The following PLCXD3 variants were observed in gnomAD, a reference collection of about 807,000 sequenced individuals.
PLCXD3 encodes the protein PI-PLC X domain-containing protein 3.
A neutral mutation model predicts 25.5 loss-of-function variants in PLCXD3; 19 were observed. That is an observed-to-expected ratio of 0.75 (90% CI 0.52 to 1.09). The LOEUF (loss-of-function observed/expected upper bound fraction) is 1.09. PLCXD3 is among the 50% of genes least tolerant of loss of function. PLCXD3 has a pLI of 0.00. For synonymous variants in PLCXD3, 174 were observed against 137.6 expected (o/e 1.26, Z -1.85); for missense variants, 411 against 388.1 (o/e 1.06, Z -0.50).
Position 41,312,586 on chromosome 5 carries a change from TCTTCCTTCCTTCCTTCCTCC to T in PLCXD3, c.*1011_*1030del, listed in dbSNP as rs1271477221. Reference sequence around the variant, plus strand: ...CCCTCTCTTCCTCCCTCCCTCCCTCTCTTCCTTCCTTCCTTCCTCCCTTCCTTCCTTCCTCCCGTCCTTCC... The same window carrying T: ...CCCTCTCTTCCTCCCTCCCTCCCTCTCTTCCTTCCTTCCTCCCGTCCTTCC... On this transcript the variant is annotated 3_prime_UTR_variant, in exon 3 of 3. Coordinates refer to ENST00000377801, the MANE Select transcript of PLCXD3 (RefSeq NM_001005473.3). 9.7e-4 allele frequency: 126 copies of T among 130,020 alleles called. No individual in the cohort carries two copies. The highest frequency in any genetic ancestry group is 1.8e-3 in the Non-Finnish European group (114 of 61,932). The allele number at this position is 130,020 out of a possible 1,614,324, so 8.1% of individuals were successfully genotyped here.
intron 1 of PLCXD3, among the ~76,000 whole-genome samples, chr5:41,418,515 G>GAC (rs61327827): frequency 4.9e-4 from 1 of 2,038 alleles, no homozygotes; most frequent in Non-Finnish European, 2.7e-3. Flanking sequence ...AAAAACACAT[G>GAC]TCATATTAAT....
At chr5:41,424,566 A>C (rs750044089) in intron 1 of PLCXD3, among the ~76,000 whole-genome samples, 5 of 152,036 alleles carry the variant, frequency 3.3e-5, no homozygotes, top group African/African-American at 4.8e-5. Context: ...TGTGAATTTC[A>C]CTCTAAGAAC....
At chr5:41,443,610 G>C (rs1272011834) in intron 1 of PLCXD3, among the ~76,000 whole-genome samples, 11 of 152,228 alleles carry the variant, frequency 7.2e-5, no homozygotes, top group African/African-American at 2.4e-4. Context: ...AGGAGAGACA[G>C]AGCATGGAGG....
chr5:41,376,547 C>T (rs1447603007), intron 2 of PLCXD3, among the ~76,000 whole-genome samples: 1 of 152,074 alleles, frequency 6.6e-6, no homozygotes, highest in African/African-American at 2.4e-5. Flanking sequence ...GTAACCAACC[C>T]TGATTTCTCT....
At chr5:41,438,802 GAA>G (rs35050344) in intron 1 of PLCXD3, among the ~76,000 whole-genome samples, 54,723 of 133,690 alleles carry the variant, frequency 0.41, 12,014 homozygotes, top group Admixed American at 0.51. Flanking sequence ...CTGTCATTAG[GAA>G]AAAAAAAAAA....
intron 1 of PLCXD3, among the ~76,000 whole-genome samples, chr5:41,509,663 C>CAA (rs1738987694): frequency 6.6e-6 from 1 of 152,230 alleles, no homozygotes; most frequent in Non-Finnish European, 1.5e-5. Context: ...ACGCAGGTTC[C>CAA]CCTGCCCAGC....
intron 1 of PLCXD3, among the ~76,000 whole-genome samples, chr5:41,484,149 C>T (rs1353251940): frequency 1.3e-5 from 2 of 151,880 alleles, no homozygotes; most frequent in South Asian, 2.1e-4. Flanking sequence ...TATAGGGGGC[C>T]GCAGCTATAT....
At chr5:41,494,113 T>C (rs1388243160) in intron 1 of PLCXD3, among the ~76,000 whole-genome samples, 8 of 152,226 alleles carry the variant, frequency 5.3e-5, no homozygotes, top group Non-Finnish European at 1.2e-4. Context: ...ACTTATTTAT[T>C]GTTAAGACAG....
At chr5:41,450,134 T>G (rs1469807531) in intron 1 of PLCXD3, among the ~76,000 whole-genome samples, 2 of 152,078 alleles carry the variant, frequency 1.3e-5, no homozygotes, top group Non-Finnish European at 2.9e-5. Context: ...TGGTTTTGGC[T>G]TGATTTCACC....
chr5:41,470,985 G>A (rs1454076157), intron 1 of PLCXD3, among the ~76,000 whole-genome samples: 4 of 152,150 alleles, frequency 2.6e-5, no homozygotes, highest in Non-Finnish European at 5.9e-5. Context: ...TGCAACTGGG[G>A]AAAAGAGACC....
At chr5:41,441,354 C>A (rs919356821) in intron 1 of PLCXD3, among the ~76,000 whole-genome samples, 2 of 152,164 alleles carry the variant, frequency 1.3e-5, no homozygotes, top group Admixed American at 1.3e-4. Flanking sequence ...ATCCTCTCCA[C>A]CACAGTTTTC....
chr5:41,381,232 C>T (rs1434542695), intron 2 of PLCXD3, among the ~76,000 whole-genome samples: 1 of 152,046 alleles, frequency 6.6e-6, no homozygotes, highest in Admixed American at 6.6e-5. Context: ...TAAAGCACTA[C>T]ACAAATGTGA....
chr5:41,423,664 G>T (rs1449094891), intron 1 of PLCXD3, among the ~76,000 whole-genome samples: 4 of 151,810 alleles, frequency 2.6e-5, no homozygotes, highest in Non-Finnish European at 5.9e-5. Context: ...GTGAATTTCT[G>T]GCCGGGCGTG....
intron 1 of PLCXD3, among the ~76,000 whole-genome samples, chr5:41,477,798 AC>A (rs1748314175): frequency 6.6e-6 from 1 of 152,160 alleles, no homozygotes; most frequent in Admixed American, 6.5e-5. Flanking sequence ...ATTGCAACTG[AC>A]CTAATTTGTA....
chr5:41,480,795 C>T (rs1418466488), intron 1 of PLCXD3, among the ~76,000 whole-genome samples: 9 of 152,038 alleles, frequency 5.9e-5, no homozygotes, highest in Admixed American at 4.6e-4. Flanking sequence ...GTGGCGGGCA[C>T]CTGTAGTCCC....
chr5:41,416,303 G>C (rs1409783004), intron 1 of PLCXD3, among the ~76,000 whole-genome samples: 2 of 152,198 alleles, frequency 1.3e-5, no homozygotes, highest in Non-Finnish European at 2.9e-5. Flanking sequence ...TGGAATAGAG[G>C]TTTCCTAACT....
In PLCXD3 at chr5:41,389,771, C is replaced by T. The variant is rs114119886; in HGVS notation, c.104-7237G>A. Among the ~76,000 whole-genome samples the T allele has an allele frequency of 3.4e-3, 515 of 152,186 alleles. 5 individuals are homozygous for T. Among genetic ancestry groups the T allele is most frequent in the African/African-American group, 0.012 (494 of 41,524 alleles). ...AATTTTCTAAATTTCTAAAAATATACACATCATATATATTTTATATGGTAA... is the reference window on the plus strand; with the variant it reads ...AATTTTCTAAATTTCTAAAAATATATACATCATATATATTTTATATGGTAA... On this transcript the variant is annotated intron_variant, in intron 1 of 2. Coordinates refer to ENST00000377801, the MANE Select transcript of PLCXD3 (RefSeq NM_001005473.3).
At chr5:41,411,138 A>C (rs745462075) in intron 1 of PLCXD3, among the ~76,000 whole-genome samples, 4 of 152,228 alleles carry the variant, frequency 2.6e-5, no homozygotes, top group Non-Finnish European at 4.4e-5. Flanking sequence ...AAACCTGGCA[A>C]ATAAACAGTC....
intron 2 of PLCXD3, among the ~76,000 whole-genome samples, chr5:41,321,016 G>C (rs1743452683): frequency 6.6e-6 from 1 of 152,140 alleles, no homozygotes; most frequent in South Asian, 2.1e-4. Flanking sequence ...AAAAGTAGAA[G>C]CTTTTCCTCT....
Sources: allele counts gnomAD v4.1 joint callset (sites outside exome capture counted in the v4.1 genomes callset), GRCh38; gene constraint gnomAD v4.1.1; transcripts MANE v1.5; gene names NCBI Gene and HGNC (gene_info 2026-07-23, HGNC 2026-07-21).